Variants in ARHGAP15 observed in about 807,000 individuals in gnomAD.
The protein encoded by ARHGAP15 is rho GTPase-activating protein 15.
Under a neutral mutation model 63.7 loss-of-function variants are expected in ARHGAP15, and 51 were observed. The ratio of observed to expected loss-of-function variants is 0.80; its 90% confidence interval spans 0.64 to 1.01. The LOEUF (loss-of-function observed/expected upper bound fraction) is 1.01, where lower values mean the gene tolerates loss of function less well. Among genes scored for constraint, ARHGAP15 ranks in the 50% least tolerant of loss-of-function variants. The pLI is 0.00. For synonymous variants in ARHGAP15, 191 were observed against 193.8 expected (o/e 0.99, Z 0.12); for missense variants, 560 against 564.6 (o/e 0.99, Z 0.08).
At chr2:143,637,578 A>T (rs1680383895) in intron 12 of ARHGAP15, among the ~76,000 whole-genome samples, 2 of 152,120 alleles carry the variant, frequency 1.3e-5, no homozygotes, top group Admixed American at 1.3e-4. Context: ...TAGTATTGTG[A>T]TATTTACAAA....
At chr2:143,441,371 A>T (rs1689873955) in intron 8 of ARHGAP15, among the ~76,000 whole-genome samples, 1 of 152,198 alleles carries the variant, frequency 6.6e-6, no homozygotes, top group Non-Finnish European at 1.5e-5. Flanking sequence ...AACAGTAGAA[A>T]GGAGCCAAGA....
chr2:143,413,210 G>GT (rs948836904), intron 6 of ARHGAP15, among the ~76,000 whole-genome samples: 6 of 152,154 alleles, frequency 3.9e-5, no homozygotes, highest in Non-Finnish European at 8.8e-5. Context: ...GAAAGAATGT[G>GT]TTTCTTTTCC....
chr2:143,450,255 G>A lies in ARHGAP15; in HGVS notation c.703+13213G>A, dbSNP rs562218240. Among the ~76,000 whole-genome samples the A allele has an allele frequency of 8.0e-5, 12 of 150,608 alleles. No individual in the cohort carries two copies. In the East Asian group the frequency reaches 1.2e-3, roughly 15 times the overall value. On this transcript the variant is annotated intron_variant, in intron 8 of 13. Transcript: ENST00000295095. ...TTTGCTTAACTCATTTTTATTGAAC[G>A]AAATCCAGAATTTTAGTCAAGAAGC...
chr2:143,596,208 C>T (rs886331819), intron 11 of ARHGAP15, among the ~76,000 whole-genome samples: 3 of 152,120 alleles, frequency 2.0e-5, no homozygotes, highest in African/African-American at 7.2e-5. Context: ...ACATGAAGTC[C>T]TTCTAGACTG....
At chr2:143,464,841 T>G (rs975818237) in intron 8 of ARHGAP15, among the ~76,000 whole-genome samples, 1 of 152,178 alleles carries the variant, frequency 6.6e-6, no homozygotes, top group South Asian at 2.1e-4. Context: ...CTACATTCCC[T>G]TAAAGCTTTT....
At chr2:143,307,790 A>C (rs1683243479) in intron 6 of ARHGAP15, among the ~76,000 whole-genome samples, 1 of 152,136 alleles carries the variant, frequency 6.6e-6, no homozygotes, top group South Asian at 2.1e-4. Flanking sequence ...GGTAAAATAA[A>C]TTACATAATT....
chr2:143,139,238 G>T (rs562142038), intron 1 of ARHGAP15, among the ~76,000 whole-genome samples: 25 of 152,026 alleles, frequency 1.6e-4, no homozygotes, highest in African/African-American at 6.0e-4. Flanking sequence ...TTCCAATTTC[G>T]ATTACATCTC....
chr2:143,280,823 C>T (rs1050376379), intron 6 of ARHGAP15, among the ~76,000 whole-genome samples: 1 of 152,110 alleles, frequency 6.6e-6, no homozygotes, highest in East Asian at 1.9e-4. Flanking sequence ...CTACCACCCT[C>T]ATTCCACCAA....
chr2:143,751,597 A>G (rs1686375839), intron 13 of ARHGAP15, among the ~76,000 whole-genome samples: 1 of 152,060 alleles, frequency 6.6e-6, no homozygotes, highest in African/African-American at 2.4e-5. Flanking sequence ...AGCCCAGCTC[A>G]TTGTCTCCAT....
At chr2:143,453,481 A>G (rs1053082976) in intron 8 of ARHGAP15, among the ~76,000 whole-genome samples, 5 of 152,064 alleles carry the variant, frequency 3.3e-5, no homozygotes, top group African/African-American at 1.2e-4. Flanking sequence ...TAAGTACTCA[A>G]TAAATGTTAA....
intron 12 of ARHGAP15, among the ~76,000 whole-genome samples, chr2:143,673,798 A>T (rs1471233271): frequency 3.9e-5 from 5 of 128,242 alleles, no homozygotes; most frequent in African/African-American, 1.4e-4. Flanking sequence ...AACTCCTGCA[A>T]ATTCATAAGA....
intron 8 of ARHGAP15, among the ~76,000 whole-genome samples, chr2:143,453,642 A>G (rs1690509459): frequency 1.3e-5 from 2 of 151,950 alleles, no homozygotes; most frequent in South Asian, 4.1e-4. Flanking sequence ...TACAGGGGAA[A>G]AATAGTATAT....
intron 13 of ARHGAP15, among the ~76,000 whole-genome samples, chr2:143,725,831 G>A (rs188455648): frequency 2.0e-4 from 31 of 152,268 alleles, no homozygotes; most frequent in Admixed American, 1.8e-3. Flanking sequence ...TGTAAATCCC[G>A]AAGCCTCGAT....
intron 12 of ARHGAP15, among the ~76,000 whole-genome samples, chr2:143,680,143 C>A (rs1286528483): frequency 6.6e-6 from 1 of 151,538 alleles, no homozygotes; most frequent in Non-Finnish European, 1.5e-5. Flanking sequence ...CCAAGACTTT[C>A]CATAAATTAT....
chr2:143,654,658 G>A (rs754610338), intron 12 of ARHGAP15, among the ~76,000 whole-genome samples: 1 of 152,104 alleles, frequency 6.6e-6, no homozygotes. Context: ...GACTCAAAAA[G>A]GTTGACTGAC....
At chr2:143,205,255 TAAAA>T (rs71301732) in intron 3 of ARHGAP15, among the ~76,000 whole-genome samples, 1 of 85,452 alleles carries the variant, frequency 1.2e-5, no homozygotes. Flanking sequence ...CAGAGAGAGA[TAAAA>T]AAAAAAAAAA....
chr2:143,364,538 A>G (rs1686211429), intron 6 of ARHGAP15, among the ~76,000 whole-genome samples: 1 of 152,224 alleles, frequency 6.6e-6, no homozygotes, highest in Non-Finnish European at 1.5e-5. Flanking sequence ...GTATGATATT[A>G]TAAGTACCAA....
intron 12 of ARHGAP15, among the ~76,000 whole-genome samples, chr2:143,652,134 G>A (rs1681199068): frequency 6.6e-6 from 1 of 152,010 alleles, no homozygotes; most frequent in Non-Finnish European, 1.5e-5. Flanking sequence ...AAGTTTGAGA[G>A]TCAGATAGTT....
intron 8 of ARHGAP15, among the ~76,000 whole-genome samples, chr2:143,470,643 G>GTGTATATATATACATA (rs1691477699): frequency 7.4e-6 from 1 of 135,568 alleles, no homozygotes; most frequent in Non-Finnish European, 1.6e-5. Context: ...GTGTATATAT[G>GTGTATATATATACATA]TGTGTGTATA....
Sources: allele counts gnomAD v4.1 joint callset (sites outside exome capture counted in the v4.1 genomes callset), GRCh38; gene constraint gnomAD v4.1.1; transcripts MANE v1.5; gene names NCBI Gene and HGNC (gene_info 2026-07-23, HGNC 2026-07-21).